SLC35F3: variants seen among roughly 807,000 people sequenced by gnomAD.
The protein encoded by SLC35F3 is solute carrier family 35 member F3.
SLC35F3 carries 25 observed loss-of-function variants against 49.9 expected under a neutral mutation model. That is an observed-to-expected ratio of 0.50 (90% CI 0.37 to 0.70). The LOEUF (loss-of-function observed/expected upper bound fraction) is 0.70, where lower values mean the gene tolerates loss of function less well. SLC35F3 is among the 30% of genes least tolerant of loss of function. The pLI, the probability that SLC35F3 is intolerant of heterozygous loss-of-function variation, is 0.00. For synonymous variants in SLC35F3, 275 were observed against 265.4 expected, an observed-to-expected ratio of 1.04 and a Z score of -0.35; for missense variants, 525 against 639.8, an observed-to-expected ratio of 0.82 and a Z score of 1.94.
chr1:234,132,443 C>A lies in SLC35F3; in HGVS notation c.284-98974C>A, dbSNP rs139279911. 4.5e-3 allele frequency among the ~76,000 whole-genome samples: 678 copies of A among 152,320 alleles called. 2 individuals carry two copies. Among genetic ancestry groups the A allele is most frequent in the African/African-American group, 0.015 (631 of 41,572 alleles). ...AATATACAAAATTTCACATTTTTGG[C>A]ATGTGCGGCCAAGTTTGCATCCAAA... is the stretch of plus-strand genomic sequence containing the variant. On this transcript the variant is annotated intron_variant, in intron 2 of 7. Coordinates refer to ENST00000366618, the MANE Select transcript of SLC35F3 (RefSeq NM_173508.4).
intron 2 of SLC35F3, among the ~76,000 whole-genome samples, chr1:233,966,356 A>G (rs1012041750): frequency 4.6e-5 from 7 of 152,166 alleles, no homozygotes; most frequent in Non-Finnish European, 8.8e-5. Context: ...CTCAATGGGA[A>G]TACTTAAATC....
At chr1:234,300,128 C>T (rs1377741992) in intron 3 of SLC35F3, among the ~76,000 whole-genome samples, 1 of 152,122 alleles carries the variant, frequency 6.6e-6, no homozygotes, top group Non-Finnish European at 1.5e-5. Flanking sequence ...AATCACAATA[C>T]CAATTCTGGA....
intron 2 of SLC35F3, among the ~76,000 whole-genome samples, chr1:234,127,559 G>T (rs1269200560): frequency 6.6e-6 from 1 of 152,132 alleles, no homozygotes; most frequent in Non-Finnish European, 1.5e-5. Flanking sequence ...AGGGGCAGAT[G>T]TTCCTGGCTC....
intron 3 of SLC35F3, among the ~76,000 whole-genome samples, chr1:234,267,024 G>A (rs113105141): frequency 0.077 from 10,539 of 137,418 alleles, 601 homozygotes; most frequent in African/African-American, 0.17. Context: ...AGGACCCTGC[G>A]GCCTTCCGCA....
At chr1:233,954,384 G>T (rs1284521040) in intron 2 of SLC35F3, among the ~76,000 whole-genome samples, 1 of 152,194 alleles carries the variant, frequency 6.6e-6, no homozygotes, top group Admixed American at 6.5e-5. Context: ...GTGGTGGGAG[G>T]GGCCAAATGC....
chr1:233,932,391 C>T (rs140973343), intron 2 of SLC35F3, among the ~76,000 whole-genome samples: 69 of 152,060 alleles, frequency 4.5e-4, no homozygotes, highest in Middle Eastern at 3.4e-3. Flanking sequence ...TCTGTGTTGT[C>T]GAAGGTCACC....
At chr1:234,305,667 GCCAC>G (rs1222128153) in intron 3 of SLC35F3, among the ~76,000 whole-genome samples, 9 of 152,120 alleles carry the variant, frequency 5.9e-5, no homozygotes, top group Non-Finnish European at 1.2e-4. Context: ...ACAGGCGTGA[GCCAC>G]CACCCCCAGC....
At chr1:234,119,908 A>C (rs1665547558) in intron 2 of SLC35F3, among the ~76,000 whole-genome samples, 1 of 152,194 alleles carries the variant, frequency 6.6e-6, no homozygotes, top group Non-Finnish European at 1.5e-5. Context: ...CCCATGGTTG[A>C]AGCTGTTTTT....
At chr1:234,259,544 C>T (rs1016179278) in intron 3 of SLC35F3, among the ~76,000 whole-genome samples, 3 of 152,072 alleles carry the variant, frequency 2.0e-5, no homozygotes, top group South Asian at 2.1e-4. Context: ...TGGTGGTGTG[C>T]GTACCTGTAG....
At chr1:234,263,255 A>G (rs987285177) in intron 3 of SLC35F3, among the ~76,000 whole-genome samples, 1 of 152,160 alleles carries the variant, frequency 6.6e-6, no homozygotes, top group Non-Finnish European at 1.5e-5. Flanking sequence ...TTTAGGTTCT[A>G]TTTAGGATGG....
chr1:233,953,538 G>T (rs555365782), intron 2 of SLC35F3, among the ~76,000 whole-genome samples: 2 of 152,176 alleles, frequency 1.3e-5, no homozygotes, highest in African/African-American at 4.8e-5. Flanking sequence ...CCCAGAGGAC[G>T]GTGATCTTTG....
At chr1:233,926,755 T>G (rs192833812) in intron 2 of SLC35F3, among the ~76,000 whole-genome samples, 44 of 152,346 alleles carry the variant, frequency 2.9e-4, no homozygotes, top group African/African-American at 8.4e-4. Flanking sequence ...CTCTGGTTTC[T>G]CCCCATCTTT....
chr1:233,981,367 A>G (rs1663180761), intron 2 of SLC35F3, among the ~76,000 whole-genome samples: 1 of 152,120 alleles, frequency 6.6e-6, no homozygotes, highest in Non-Finnish European at 1.5e-5. Flanking sequence ...CCCCATCTCT[A>G]TACTTCTGTT....
intron 2 of SLC35F3, among the ~76,000 whole-genome samples, chr1:234,122,911 T>C (rs1224643574): frequency 6.6e-6 from 1 of 152,234 alleles, no homozygotes; most frequent in Non-Finnish European, 1.5e-5. Flanking sequence ...CTCTTATAAA[T>C]AGTGCTGCAA....
At chr1:234,248,875 G>A (rs1037939847) in intron 3 of SLC35F3, among the ~76,000 whole-genome samples, 44 of 152,204 alleles carry the variant, frequency 2.9e-4, no homozygotes, top group African/African-American at 1.0e-3. Context: ...TACTCAGAGT[G>A]AAGGCCAGGT....
At chr1:234,126,030 C>T (rs974929148) in intron 2 of SLC35F3, among the ~76,000 whole-genome samples, 3 of 152,224 alleles carry the variant, frequency 2.0e-5, no homozygotes, top group Non-Finnish European at 4.4e-5. Context: ...ATTCAAGTCC[C>T]TGGTGAATGG....
At chr1:234,104,538 C>T (rs1198156614) in intron 2 of SLC35F3, among the ~76,000 whole-genome samples, 1 of 152,044 alleles carries the variant, frequency 6.6e-6, no homozygotes, top group Admixed American at 6.5e-5. Flanking sequence ...AATGGCATGG[C>T]TATAATGCTT....
chr1:234,218,506 G>A (rs1360971490), intron 2 of SLC35F3, among the ~76,000 whole-genome samples: 1 of 152,146 alleles, frequency 6.6e-6, no homozygotes, highest in African/African-American at 2.4e-5. Flanking sequence ...CTATATTGCA[G>A]GTACTATGCT....
chr1:234,106,151 C>T (rs1314996878), intron 2 of SLC35F3, among the ~76,000 whole-genome samples: 1 of 152,174 alleles, frequency 6.6e-6, no homozygotes, highest in East Asian at 1.9e-4. Flanking sequence ...GTTCCCAGTC[C>T]AAGGTAGTTC....
Sources: allele counts gnomAD v4.1 joint callset (sites outside exome capture counted in the v4.1 genomes callset), GRCh38; gene constraint gnomAD v4.1.1; transcripts MANE v1.5; gene names NCBI Gene and HGNC (gene_info 2026-07-23, HGNC 2026-07-21).